TSPAN11: variants seen among roughly 807,000 people sequenced by gnomAD.
TSPAN11 encodes tetraspanin-11.
In TSPAN11, 29 loss-of-function variants were observed where a neutral mutation model predicts 32.9. The ratio of observed to expected loss-of-function variants is 0.88; its 90% confidence interval spans 0.66 to 1.20. The LOEUF (loss-of-function observed/expected upper bound fraction) is 1.20. Among genes scored for constraint, TSPAN11 ranks in the 50% most tolerant of loss-of-function variants. The pLI is 0.00. For synonymous variants in TSPAN11, 140 were observed against 141.3 expected (o/e 0.99, Z 0.07); for missense variants, 283 against 329.1 (o/e 0.86, Z 1.08).
rs138855881 is a variant in TSPAN11 at position 30,992,455 on chromosome 12, T to C, written c.*540T>C. ...CCACACTGCCTCACCTGGAAAGCCA[T>C]GTCCTGCTGGCCTCATTCCTTCCTG... On this transcript the variant is annotated 3_prime_UTR_variant, in exon 8 of 8. Coordinates refer to ENST00000546076, the MANE Select transcript of TSPAN11 (RefSeq NM_001370302.1). The C allele has an allele frequency of 1.4e-3, 244 of 175,582 alleles. No individual in the cohort carries two copies. The highest frequency in any genetic ancestry group is 5.6e-3 in the African/African-American group (237 of 42,560). The allele number at this position is 175,582 out of a possible 1,614,324, so 10.9% of individuals were successfully genotyped here. A position where few individuals can be genotyped will look rare whatever the true frequency, so the allele number is the denominator to read the frequency against.
intron 3 of TSPAN11, among the ~76,000 whole-genome samples, chr12:30,974,063 C>T (rs780184957): frequency 2.8e-4 from 42 of 152,352 alleles, no homozygotes; most frequent in South Asian, 1.0e-3. Flanking sequence ...CTTCCCTGAT[C>T]CTTCCTTTTG....
chr12:30,959,902 G>GTATCTATTAAAAACACA (rs1565795041), intron 2 of TSPAN11, among the ~76,000 whole-genome samples: 1 of 151,744 alleles, frequency 6.6e-6, no homozygotes, highest in African/African-American at 2.4e-5. Context: ...TTTTGGGCTT[G>GTATCTATTAAAAACACA]GTGCCTGGGG....
intron 2 of TSPAN11, among the ~76,000 whole-genome samples, chr12:30,961,036 A>AG (rs386376114): frequency 2.0e-5 from 3 of 151,472 alleles, no homozygotes; most frequent in Non-Finnish European, 2.9e-5. Flanking sequence ...GAGGAAAAAA[A>AG]AAAAAAAGAA....
intron 7 of TSPAN11, among the ~76,000 whole-genome samples, chr12:30,989,387 T>G (rs1337792113): frequency 2.6e-5 from 4 of 152,156 alleles, no homozygotes; most frequent in African/African-American, 9.7e-5. Flanking sequence ...AAGCCCTGGC[T>G]TGCAGGTGGG....
chr12:30,930,797 G>A (rs949007669), intron 1 of TSPAN11, among the ~76,000 whole-genome samples: 2 of 152,204 alleles, frequency 1.3e-5, no homozygotes, highest in Non-Finnish European at 2.9e-5. Flanking sequence ...CGTCGGGCTG[G>A]GTAGGCCCCA....
At chr12:30,948,119 T>G (rs1938306470) in intron 1 of TSPAN11, among the ~76,000 whole-genome samples, 1 of 152,180 alleles carries the variant, frequency 6.6e-6, no homozygotes, top group Non-Finnish European at 1.5e-5. Context: ...CAGGTCATGT[T>G]GATGTAAGAG....
At chr12:31,000,645 T>A (rs998100987), downstream of TSPAN11, among the ~76,000 whole-genome samples, 1 of 152,216 alleles carries the variant, frequency 6.6e-6, no homozygotes, top group Non-Finnish European at 1.5e-5. Context: ...GCCCTTTCCA[T>A]CCGCACCACA....
At chr12:31,012,540 T>A in the TSPAN11 span, 1 of 152,294 alleles carries the variant, frequency 6.6e-6, no homozygotes, top group Non-Finnish European at 1.5e-5. Context: ...TGATCTGAGA[T>A]GTCCGTCCTC....
intron 1 of TSPAN11, among the ~76,000 whole-genome samples, chr12:30,937,094 T>G (rs558338746): frequency 6.6e-6 from 1 of 152,302 alleles, no homozygotes; most frequent in South Asian, 2.1e-4. Context: ...TGACCAACTT[T>G]TCAAATTCAG....
chr12:30,998,638 G>A (rs76178657), downstream of TSPAN11, among the ~76,000 whole-genome samples: 1 of 152,236 alleles, frequency 6.6e-6, no homozygotes, highest in East Asian at 1.9e-4. Flanking sequence ...GAGGGAAAGA[G>A]TGAAGTGGGA....
At chr12:30,955,519 ATTGTTC>A (rs1210819790) in intron 2 of TSPAN11, among the ~76,000 whole-genome samples, 1 of 152,182 alleles carries the variant, frequency 6.6e-6, no homozygotes, top group Non-Finnish European at 1.5e-5. Context: ...TAAAATAAAA[ATTGTTC>A]TTATCTCATT....
chr12:30,926,996 A>C (rs1937810731), intron 1 of TSPAN11, 200 bp downstream of exon 1: 1 of 1,283,370 alleles, frequency 7.8e-7, no homozygotes, highest in Non-Finnish European at 1.0e-6. Flanking sequence ...CTCGCGGGGC[A>C]TGTGAGCAGG....
At chr12:30,982,997 C>T (rs1939125741) in intron 6 of TSPAN11, 67 bp from the exon 7 acceptor site, 2 of 1,507,254 alleles carry the variant, frequency 1.3e-6, no homozygotes, top group East Asian at 2.3e-5. Context: ...GCAGTGACAG[C>T]CCGCCCTCCG....
intron 1 of TSPAN11, 43 bp from the exon 2 acceptor site, chr12:30,953,938 T>C (rs1262758313): frequency 6.8e-7 from 1 of 1,464,760 alleles, no homozygotes; most frequent in Non-Finnish European, 9.5e-7. Flanking sequence ...GACAAGGTGG[T>C]TCTCGGTGAT....
the TSPAN11 span, among the ~76,000 whole-genome samples, chr12:31,007,749 T>C: frequency 6.6e-6 from 1 of 152,232 alleles, no homozygotes; most frequent in Non-Finnish European, 1.5e-5. Context: ...TTTAAGGCTT[T>C]AATTTCACAG....
At chr12:30,935,422 C>A (rs555415659) in intron 1 of TSPAN11, among the ~76,000 whole-genome samples, 25 of 122,104 alleles carry the variant, frequency 2.0e-4, no homozygotes, top group Middle Eastern at 7.6e-3. Flanking sequence ...TCACTCTTGT[C>A]GCCCAGGCTG....
intron 1 of TSPAN11, among the ~76,000 whole-genome samples, chr12:30,951,620 G>C (rs969339437): frequency 5.9e-5 from 9 of 152,200 alleles, no homozygotes; most frequent in African/African-American, 2.2e-4. Flanking sequence ...GAAATAATGA[G>C]TGTAAAGCAC....
At chr12:30,964,136 C>A in intron 3 of TSPAN11, 119 bp downstream of exon 3, 1 of 1,261,064 alleles carries the variant, frequency 7.9e-7, no homozygotes, top group Non-Finnish European at 1.1e-6. Context: ...TGGGAGTGCC[C>A]GAGAAGGGGT....
chr12:30,989,641 C>A lies in TSPAN11; in HGVS notation c.703-2215C>A, dbSNP rs377535854. ...GCCTCAAGTAGAACCTAGCCCACCT[C>A]CAACATGCTCAGCTTGCAAGATGGT... is the stretch of plus-strand genomic sequence containing the variant. On this transcript the variant is annotated intron_variant, in intron 7 of 7. Coordinates refer to ENST00000546076, the MANE Select transcript of TSPAN11 (RefSeq NM_001370302.1). Among the ~76,000 whole-genome samples the A allele has an allele frequency of 2.6e-5, 4 of 152,308 alleles. 1 individual carries two copies. Among genetic ancestry groups the A allele is most frequent in the African/African-American group, 9.6e-5 (4 of 41,566 alleles).
Sources: allele counts gnomAD v4.1 joint callset (sites outside exome capture counted in the v4.1 genomes callset), GRCh38; gene constraint gnomAD v4.1.1; transcripts MANE v1.5; gene names NCBI Gene and HGNC (gene_info 2026-07-23, HGNC 2026-07-21).